SRGN: variants seen among roughly 807,000 people sequenced by gnomAD.
SRGN encodes the protein hematopoetic proteoglycan core peptide.
In SRGN, 2 loss-of-function variants were observed where a neutral mutation model predicts 9.5. The observed-to-expected ratio is 0.21, with a 90% CI of 0.09 to 0.66. The LOEUF (loss-of-function observed/expected upper bound fraction) is 0.66. Among genes scored for constraint, SRGN ranks in the 30% least tolerant of loss-of-function variants. The probability of loss-of-function intolerance (pLI) is 0.83; values close to 1 mark genes in which losing one functional copy is unlikely to be tolerated. For missense variants in SRGN, 170 were observed against 192.4 expected, an observed-to-expected ratio of 0.88 and a Z score of 0.69; for synonymous variants, 59 against 72.3, an observed-to-expected ratio of 0.82 and a Z score of 0.93.
rs1840364422 is a variant in SRGN at position 69,104,685 on chromosome 10, A to C, written c.*565A>C. The C allele has an allele frequency of 6.6e-6, 1 of 152,258 alleles. No individual in the cohort carries two copies. The highest frequency in any genetic ancestry group is 2.4e-5 in the African/African-American group (1 of 41,464). 9.4% of individuals were successfully genotyped at this position (152,258 alleles called of 1,614,324 possible). ...ATGATTGCTGTTACATAACACCCCA[A>C]ATTAACTCCCAAATTAAAACACAGT... On this transcript the variant is annotated 3_prime_UTR_variant, in exon 3 of 3. Transcript: ENST00000242465.
chr10:69,104,110 T>C lies in SRGN; in HGVS notation c.467T>C (p.Phe156Ser), dbSNP rs779844600. Residue 156 changes from phenylalanine to serine, a missense_variant, in exon 3 of 3, where the codon TTT becomes TCT. By Grantham distance (155) the Phe-to-Ser change is radical. Coordinates refer to ENST00000242465, the MANE Select transcript of SRGN (RefSeq NM_002727.4). ...GGTCAACATGGATTAGAAGAGGATT[T>C]TATGTTATAAAAGAGGATTTTCCCA... ...DLGQHGLEEDFML is the reference protein window; with the variant it reads ...DLGQHGLEEDSML The C allele has an allele frequency of 1.9e-6, 3 of 1,613,064 alleles. No homozygotes were observed. Among genetic ancestry groups the C allele is most frequent in the Non-Finnish European group, 2.5e-6 (3 of 1,179,078 alleles).
At chr10:69,088,886 A>G (rs1450361862) in intron 1 of SRGN, among the ~76,000 whole-genome samples, 1 of 152,220 alleles carries the variant, frequency 6.6e-6, no homozygotes, top group Admixed American at 6.5e-5. Context: ...TTTATCTACC[A>G]TTTAGTGTTG....
intron 2 of SRGN, among the ~76,000 whole-genome samples, chr10:69,099,963 G>A (rs1365243145): frequency 6.6e-6 from 1 of 152,106 alleles, no homozygotes; most frequent in Non-Finnish European, 1.5e-5. Flanking sequence ...TGTGCCTCAC[G>A]CCTGTAATCC....
intron 2 of SRGN, among the ~76,000 whole-genome samples, chr10:69,099,236 G>A (rs999838582): frequency 7.3e-5 from 11 of 151,426 alleles, no homozygotes; most frequent in Non-Finnish European, 1.5e-4. Flanking sequence ...TCTCCTCAAA[G>A]CCAGGGTTAA....
At chr10:69,095,083 G>A (rs1405481753) in intron 1 of SRGN, among the ~76,000 whole-genome samples, 1 of 151,558 alleles carries the variant, frequency 6.6e-6, no homozygotes, top group Non-Finnish European at 1.5e-5. Flanking sequence ...TGAGGCGGGT[G>A]GATCACCTGA....
intron 2 of SRGN, among the ~76,000 whole-genome samples, chr10:69,099,790 A>G (rs567855151): frequency 6.6e-6 from 1 of 152,212 alleles, no homozygotes; most frequent in African/African-American, 2.4e-5. Context: ...CATTGGTTTC[A>G]ATAGTAATTC....
chr10:69,100,579 T>A (rs1008024504), intron 2 of SRGN, among the ~76,000 whole-genome samples: 5 of 152,214 alleles, frequency 3.3e-5, no homozygotes, highest in African/African-American at 1.2e-4. Context: ...GACCCTGTGC[T>A]TTCTTTCCCG....
intron 1 of SRGN, among the ~76,000 whole-genome samples, chr10:69,091,112 G>A (rs1840042905): frequency 6.6e-6 from 1 of 152,120 alleles, no homozygotes; most frequent in Admixed American, 6.5e-5. Flanking sequence ...TGAGGAATTA[G>A]CACCAATTAT....
At position 69,104,197 on chromosome 10, in the gene SRGN, G is replaced by A; in HGVS notation, c.*77G>A. 1 of 1,493,006 alleles carries A rather than the reference G, an allele frequency of 6.7e-7. No homozygotes were observed. Among genetic ancestry groups the A allele is most frequent in the Non-Finnish European group, 9.0e-7 (1 of 1,117,222 alleles). The allele number at this position is 1,493,006 out of a possible 1,614,324, so 92.5% of individuals were successfully genotyped here. On this transcript the variant is annotated 3_prime_UTR_variant, in exon 3 of 3. Transcript: ENST00000242465. The stretch of plus-strand genomic sequence containing the variant: ...TACCATGGTTATATGATTAATCTTG[G>A]GACAAAGAATTTTATAGAAATTTTT...
At chr10:69,102,219 C>T (rs948658640) in intron 2 of SRGN, among the ~76,000 whole-genome samples, 2 of 152,084 alleles carry the variant, frequency 1.3e-5, no homozygotes, top group Non-Finnish European at 2.9e-5. Flanking sequence ...TCTCTATCTA[C>T]ATGCTTTCTC....
In SRGN at chr10:69,099,475, A is replaced by G. The variant is rs530040514; in HGVS notation, c.227+2244A>G. ...GCACCATGCCCATCTAATTAAAAAA[A>G]TTTTTTTTTGTAGAGACAGGGGTCT... On this transcript the variant is annotated intron_variant, in intron 2 of 2. Transcript: ENST00000242465. 2.0e-5 allele frequency among the ~76,000 whole-genome samples: 3 copies of G among 151,174 alleles called. No homozygotes were observed. In the South Asian group the frequency reaches 6.3e-4, roughly 32 times the overall value.
intron 1 of SRGN, among the ~76,000 whole-genome samples, chr10:69,092,019 C>A (rs550058249): frequency 2.2e-4 from 32 of 147,282 alleles, no homozygotes; most frequent in Non-Finnish European, 4.0e-4. Context: ...AAGTTGTTTG[C>A]TTTGGTAACA....
At position 69,091,922 on chromosome 10, in the gene SRGN, AAAG is replaced by A. The variant is rs1183813450; in HGVS notation, c.79+3689_79+3691del. ...AAAAAAAAAAAAGAAAAAGAAAAGA[AAAG>A]AAAAAAAAAAGAAATTAGTATATTG... On this transcript the variant is annotated intron_variant, in intron 1 of 2. Coordinates refer to ENST00000242465, the MANE Select transcript of SRGN (RefSeq NM_002727.4). Among the ~76,000 whole-genome samples, 65 of 146,988 alleles carry A rather than the reference AAAG, an allele frequency of 4.4e-4. No homozygotes were observed. The East Asian group carries it at 0.012, about 27-fold the overall frequency.
intron 1 of SRGN, among the ~76,000 whole-genome samples, chr10:69,093,799 G>A (rs1840116451): frequency 1.3e-5 from 2 of 152,136 alleles, no homozygotes; most frequent in African/African-American, 2.4e-5. Flanking sequence ...CCCAGGTGGC[G>A]GAGGGTGCAG....
At chr10:69,095,045 C>A (rs1840147465) in intron 1 of SRGN, among the ~76,000 whole-genome samples, 1 of 151,832 alleles carries the variant, frequency 6.6e-6, no homozygotes, top group East Asian at 1.9e-4. Context: ...TGGTGGCTCA[C>A]ACCTGTAATC....
intron 2 of SRGN, among the ~76,000 whole-genome samples, chr10:69,099,165 C>T (rs1186185560): frequency 6.6e-6 from 1 of 152,046 alleles, no homozygotes; most frequent in Non-Finnish European, 1.5e-5. Flanking sequence ...GCAAAATATA[C>T]ATATTAAGAA....
intron 1 of SRGN, among the ~76,000 whole-genome samples, chr10:69,096,015 A>C (rs1459864315): frequency 6.6e-6 from 1 of 152,228 alleles, no homozygotes; most frequent in Non-Finnish European, 1.5e-5. Flanking sequence ...AGAAGCTGAG[A>C]CTCAGATATT....
intron 1 of SRGN, 80 bp from the exon 2 acceptor site, chr10:69,097,003 AT>A: frequency 2.7e-6 from 4 of 1,473,444 alleles, no homozygotes; most frequent in Non-Finnish European, 2.7e-6. Flanking sequence ...CGAAAAAAAA[AT>A]AAAAATAAAA....
chr10:69,100,843 A>G (rs2008541), intron 2 of SRGN, among the ~76,000 whole-genome samples: 126,278 of 152,042 alleles, frequency 0.83, 52,962 homozygotes, highest in Non-Finnish European at 0.89. Context: ...CCTGCCTGGG[A>G]TGGCACCTTG....
Sources: allele counts gnomAD v4.1 joint callset (sites outside exome capture counted in the v4.1 genomes callset), GRCh38; gene constraint gnomAD v4.1.1; transcripts MANE v1.5; gene names NCBI Gene and HGNC (gene_info 2026-07-23, HGNC 2026-07-21).